AKAP19: variants seen among roughly 807,000 people sequenced by gnomAD.
The protein encoded by AKAP19 is small A-kinase anchoring protein.
the AKAP19 span, among the ~76,000 whole-genome samples, chr2:190,041,383 G>A: frequency 2.0e-5 from 3 of 152,154 alleles, no homozygotes; most frequent in Non-Finnish European, 2.9e-5. Context: ...CTGAAAATTT[G>A]TTGAAGTTGT....
chr2:189,935,471 A>G, the AKAP19 span, among the ~76,000 whole-genome samples: 9 of 152,082 alleles, frequency 5.9e-5, no homozygotes, highest in African/African-American at 2.2e-4. Context: ...GAATTGACAG[A>G]ATTAAATCAG....
the AKAP19 span, among the ~76,000 whole-genome samples, chr2:189,971,203 A>T: frequency 5.9e-5 from 9 of 152,046 alleles, no homozygotes; most frequent in African/African-American, 2.2e-4. Flanking sequence ...CTCATTGTTC[A>T]ATTCCCACCT....
the AKAP19 span, chr2:190,200,968 A>ACTATCTCAGAGGTACAGAGGGCT: frequency 6.0e-6 from 1 of 167,058 alleles, no homozygotes; most frequent in Non-Finnish European, 1.5e-5. Flanking sequence ...ATTAAGCTTT[A>ACTATCTCAGAGGTACAGAGGGCT]CTATCTCAGA....
chr2:190,057,335 G>A, the AKAP19 span: 4 of 1,613,224 alleles, frequency 2.5e-6, no homozygotes, highest in African/African-American at 4.0e-5. Flanking sequence ...TTAAAATATA[G>A]CATATTAATT....
At chr2:190,171,495 A>G in the AKAP19 span, among the ~76,000 whole-genome samples, 5 of 152,118 alleles carry the variant, frequency 3.3e-5, no homozygotes, top group East Asian at 9.7e-4. Context: ...TTTTTTTTGT[A>G]AGTTCAAAAA....
At chr2:190,086,623 T>G in the AKAP19 span, among the ~76,000 whole-genome samples, 3 of 152,224 alleles carry the variant, frequency 2.0e-5, no homozygotes, top group Admixed American at 1.3e-4. Flanking sequence ...GTGTTATTAT[T>G]TATCAGTCAG....
At chr2:190,068,202 C>T in the AKAP19 span, among the ~76,000 whole-genome samples, 2 of 152,140 alleles carry the variant, frequency 1.3e-5, no homozygotes, top group African/African-American at 4.8e-5. Context: ...CCTTACTTGT[C>T]CTCTAATCCC....
the AKAP19 span, among the ~76,000 whole-genome samples, chr2:189,968,075 G>A: frequency 6.6e-6 from 1 of 151,988 alleles, no homozygotes; most frequent in Non-Finnish European, 1.5e-5. Flanking sequence ...TGTGTTGTAA[G>A]TTGAGAGAGA....
At chr2:190,094,194 A>G in the AKAP19 span, among the ~76,000 whole-genome samples, 1 of 152,238 alleles carries the variant, frequency 6.6e-6, no homozygotes, top group East Asian at 1.9e-4. Flanking sequence ...AGGAAAGTAT[A>G]TCTCCATTTG....
the AKAP19 span, among the ~76,000 whole-genome samples, chr2:190,004,466 C>G: frequency 8.6e-6 from 1 of 115,984 alleles, no homozygotes; most frequent in Non-Finnish European, 2.0e-5. Context: ...TTTGATATCT[C>G]TACCTTATCA....
chr2:190,017,420 T>C, the AKAP19 span, among the ~76,000 whole-genome samples: 1 of 152,166 alleles, frequency 6.6e-6, no homozygotes, highest in Non-Finnish European at 1.5e-5. Context: ...TATTTATTTT[T>C]TCTGTATCTG....
the AKAP19 span, among the ~76,000 whole-genome samples, chr2:190,174,991 A>ATACATAGAT: frequency 1.7e-3 from 180 of 104,998 alleles, no homozygotes; most frequent in South Asian, 0.015. Context: ...AGCACATAAG[A>ATACATAGAT]TACATAGATT....
chr2:190,137,157 C>T, the AKAP19 span, among the ~76,000 whole-genome samples: 365 of 152,174 alleles, frequency 2.4e-3, 2 homozygotes, highest in Admixed American at 6.9e-3. Flanking sequence ...TTGCTTTATC[C>T]TAATAATGTC....
chr2:190,074,802 C>A, the AKAP19 span, among the ~76,000 whole-genome samples: 430 of 152,204 alleles, frequency 2.8e-3, 1 homozygote, highest in Middle Eastern at 0.017. Flanking sequence ...CCATGTGGAT[C>A]CCTGACCACT....
At chr2:190,162,481 C>T in the AKAP19 span, among the ~76,000 whole-genome samples, 1,163 of 152,066 alleles carry the variant, frequency 7.6e-3, 3 homozygotes, top group Admixed American at 0.011. Flanking sequence ...AGTATAATTG[C>T]TAATAGTGCC....
At chr2:189,887,334 T>G in the AKAP19 span, among the ~76,000 whole-genome samples, 1 of 152,228 alleles carries the variant, frequency 6.6e-6, no homozygotes, top group African/African-American at 2.4e-5. Flanking sequence ...TGCATAGTAT[T>G]CCATGGTGTA....
At chr2:190,170,398 T>C in the AKAP19 span, among the ~76,000 whole-genome samples, 1 of 152,214 alleles carries the variant, frequency 6.6e-6, no homozygotes, top group Non-Finnish European at 1.5e-5. Flanking sequence ...CAGTGGCATA[T>C]TGCCAGGACC....
the AKAP19 span, among the ~76,000 whole-genome samples, chr2:190,111,068 A>G: frequency 1.3e-5 from 2 of 152,144 alleles, no homozygotes; most frequent in Non-Finnish European, 2.9e-5. Context: ...ATTTTGTGCC[A>G]AGGGCAGGTG....
At chr2:190,122,787 A>G in the AKAP19 span, among the ~76,000 whole-genome samples, 1 of 151,570 alleles carries the variant, frequency 6.6e-6, no homozygotes, top group Non-Finnish European at 1.5e-5. Flanking sequence ...TGTTCTTTTA[A>G]TGATGATCAC....
Sources: allele counts gnomAD v4.1 joint callset (sites outside exome capture counted in the v4.1 genomes callset), GRCh38; gene constraint gnomAD v4.1.1; transcripts MANE v1.5; gene names NCBI Gene and HGNC (gene_info 2026-07-23, HGNC 2026-07-21).